The following TDP1 variants were observed in gnomAD, a reference collection of about 807,000 sequenced individuals.
The protein encoded by TDP1 is tyrosyl-DNA phosphodiesterase 1.
TDP1 carries 64 observed loss-of-function variants against 81.5 expected under a neutral mutation model. The ratio of observed to expected loss-of-function variants is 0.79; its 90% CI spans 0.64 to 0.97. The LOEUF (loss-of-function observed/expected upper bound fraction) is 0.97. TDP1 is among the 50% of genes least tolerant of loss of function. The probability of loss-of-function intolerance (pLI) is 0.00; values close to 1 mark genes in which losing one functional copy is unlikely to be tolerated. For missense variants in TDP1, 723 were observed against 743.8 expected (o/e 0.97, Z 0.33); for synonymous variants, 256 against 264.3 (o/e 0.97, Z 0.30).
chr14:90,000,277 T>C (rs1332129312), intron 14 of TDP1, among the ~76,000 whole-genome samples: 1 of 152,218 alleles, frequency 6.6e-6, no homozygotes, highest in Non-Finnish European at 1.5e-5. Context: ...ACTTAATTAA[T>C]TGATAACCAA....
rs186247307 is a variant in TDP1 at position 90,038,603 on chromosome 14, A to G, written c.1754-4467A>G. ...CTGTAATCCCAGCACTTTGGGAGGC[A>G]GAGGCGGGCAGATCACTTGAGGTCA... On this transcript the variant is annotated intron_variant, in intron 16 of 16. Transcript: ENST00000335725. Among the ~76,000 whole-genome samples the G allele has an allele frequency of 4.6e-5, 7 of 152,260 alleles. No homozygotes were observed. In the East Asian group the frequency reaches 1.4e-3, roughly 29 times the overall value.
At chr14:90,030,474 G>A (rs1226764168) in intron 15 of TDP1, among the ~76,000 whole-genome samples, 2 of 152,136 alleles carry the variant, frequency 1.3e-5, no homozygotes, top group Non-Finnish European at 2.9e-5. Flanking sequence ...TTCCTATTCT[G>A]TCTAGAGTTT....
At chr14:90,034,686 A>G (rs946093906) in intron 16 of TDP1, among the ~76,000 whole-genome samples, 7 of 152,280 alleles carry the variant, frequency 4.6e-5, no homozygotes, top group African/African-American at 1.7e-4. Context: ...TCCACTGGAA[A>G]GGAGAGGCCC....
intron 14 of TDP1, among the ~76,000 whole-genome samples, chr14:89,996,954 C>T (rs1049015670): frequency 5.3e-4 from 81 of 152,202 alleles, no homozygotes; most frequent in African/African-American, 1.9e-3. Context: ...ATATGTATTG[C>T]CCGCTGTGGC....
intron 2 of TDP1, among the ~76,000 whole-genome samples, chr14:89,962,629 C>T (rs901225545): frequency 6.6e-6 from 1 of 151,726 alleles, no homozygotes; most frequent in Admixed American, 6.6e-5. Flanking sequence ...TTTGGAAGGC[C>T]AAGGTGGGTG....
intron 16 of TDP1, among the ~76,000 whole-genome samples, chr14:90,034,085 C>G (rs1887586821): frequency 6.6e-6 from 1 of 151,986 alleles, no homozygotes; most frequent in African/African-American, 2.4e-5. Flanking sequence ...AAAAAAAGTT[C>G]TTATGACAAT....
At chr14:90,034,921 G>A (rs1226796150) in intron 16 of TDP1, among the ~76,000 whole-genome samples, 1 of 152,056 alleles carries the variant, frequency 6.6e-6, no homozygotes, top group Non-Finnish European at 1.5e-5. Context: ...CTTTCATGGT[G>A]AACCAAGCCT....
intron 16 of TDP1, among the ~76,000 whole-genome samples, chr14:90,036,259 T>A (rs575801338): frequency 1.3e-5 from 2 of 152,330 alleles, no homozygotes; most frequent in East Asian, 3.9e-4. Context: ...CAGTTGCATG[T>A]AGGATAATGC....
At chr14:89,990,467 T>A (rs185356170) in intron 12 of TDP1, among the ~76,000 whole-genome samples, 52 of 152,078 alleles carry the variant, frequency 3.4e-4, no homozygotes, top group Admixed American at 1.2e-3. Context: ...ATTAAACTAA[T>A]TTAGTCCATT....
Position 90,006,197 on chromosome 14 carries a change from T to G in TDP1, c.1541+12714T>G, listed in dbSNP as rs546221238. ...ACACTTGCAAAACCCCACACCCAAG[T>G]GTCTAATCTTCTTTAGTGTTTTGCT... On this transcript the variant is annotated intron_variant, in intron 14 of 16. Transcript: ENST00000335725. 1.1e-3 allele frequency among the ~76,000 whole-genome samples: 173 copies of G among 152,272 alleles called. 1 individual carries two copies. Among genetic ancestry groups the G allele is most frequent in the African/African-American group, 4.0e-3 (167 of 41,564 alleles).
intron 6 of TDP1, 199 bp from the exon 7 acceptor site, chr14:89,975,582 T>G (rs941341927): frequency 4.8e-5 from 8 of 167,012 alleles, no homozygotes; most frequent in African/African-American, 1.9e-4. Context: ...AAAATTTGTG[T>G]TTTTTTTTTT....
At position 89,988,955 on chromosome 14, in the gene TDP1, C is replaced by T. The variant is rs780723266; in HGVS notation, c.1182C>T (p.Val394=). 5.0e-6 allele frequency: 8 copies of T among 1,614,158 alleles called. No homozygotes were observed. Among genetic ancestry groups the T allele is most frequent in the South Asian group, 3.3e-5 (3 of 91,078 alleles). ...SSMPNAESWP[V]VGQFSSVGSL... Reference sequence around the variant, plus strand: ...TGCCTAACGCAGAGTCCTGGCCTGTCGTAGGTCAGTTTTCAAGCGTTGGCT... The same window carrying T: ...TGCCTAACGCAGAGTCCTGGCCTGTTGTAGGTCAGTTTTCAAGCGTTGGCT... Residue 394 remains valine, a synonymous_variant, in exon 11 of 17, where the codon GTC becomes GTT. Transcript: ENST00000335725.
chr14:89,961,941 C>T (rs1404196430), intron 2 of TDP1, among the ~76,000 whole-genome samples: 1 of 152,116 alleles, frequency 6.6e-6, no homozygotes, highest in African/African-American at 2.4e-5. Flanking sequence ...GGGTCTTGTG[C>T]TAAAATGTTA....
chr14:89,973,838 G>A (rs1214341402), intron 6 of TDP1, among the ~76,000 whole-genome samples: 1 of 152,104 alleles, frequency 6.6e-6, no homozygotes, highest in Non-Finnish European at 1.5e-5. Context: ...TCAGGATCAA[G>A]GTGCCAGTCA....
At chr14:89,989,182 T>G in intron 11 of TDP1, 92 bp downstream of exon 11, 1 of 1,451,086 alleles carries the variant, frequency 6.9e-7, no homozygotes. Flanking sequence ...GAGAGATGTT[T>G]TATTCTGTGA....
At chr14:89,977,775 ACCT>A (rs1043799138) in intron 7 of TDP1, among the ~76,000 whole-genome samples, 3 of 152,132 alleles carry the variant, frequency 2.0e-5, no homozygotes, top group Admixed American at 6.5e-5. Context: ...TGCCTTCCCC[ACCT>A]CACAGGGTAG....
chr14:90,039,688 G>A (rs201296479), intron 16 of TDP1, among the ~76,000 whole-genome samples: 1 of 149,186 alleles, frequency 6.7e-6, no homozygotes, highest in African/African-American at 2.5e-5. Flanking sequence ...AAAAAAAAAA[G>A]AAACTGTTAA....
intron 15 of TDP1, among the ~76,000 whole-genome samples, chr14:90,026,135 A>G (rs143268980): frequency 1.3e-5 from 2 of 152,336 alleles, no homozygotes; most frequent in Non-Finnish European, 2.9e-5. Context: ...TTCATTGTAA[A>G]CATGGTGTGT....
At chr14:90,008,162 T>C (rs539257992) in intron 14 of TDP1, among the ~76,000 whole-genome samples, 49 of 152,362 alleles carry the variant, frequency 3.2e-4, no homozygotes, top group African/African-American at 1.2e-3. Context: ...AATTATTGGC[T>C]ATTATCATTA....
Sources: allele counts gnomAD v4.1 joint callset (sites outside exome capture counted in the v4.1 genomes callset), GRCh38; gene constraint gnomAD v4.1.1; transcripts MANE v1.5; gene names NCBI Gene and HGNC (gene_info 2026-07-23, HGNC 2026-07-21).